The following PSD3 variants were observed in gnomAD, a reference collection of about 807,000 sequenced individuals.
The protein encoded by PSD3 is pleckstrin and Sec7 domain containing 3.
PSD3 carries 49 observed loss-of-function variants against 105.5 expected under a neutral mutation model. The observed-to-expected ratio is 0.46, with a 90% CI of 0.37 to 0.59. The LOEUF (loss-of-function observed/expected upper bound fraction) is 0.59, where lower values mean the gene tolerates loss of function less well. Ranked by LOEUF, PSD3 falls within the 20% of genes least tolerant of loss-of-function variation. The pLI, the probability that PSD3 is intolerant of heterozygous loss-of-function variation, is 0.00. For missense variants in PSD3, 1,561 were observed against 1,263.8 expected (o/e 1.24, Z -3.57); for synonymous variants, 557 against 457.8 (o/e 1.22, Z -2.77).
At chr8:18,807,290 G>A (rs559264504) in intron 4 of PSD3, among the ~76,000 whole-genome samples, 2 of 152,312 alleles carry the variant, frequency 1.3e-5, no homozygotes, top group African/African-American at 2.4e-5. Context: ...GGTATAACAA[G>A]TAGCTGCAAA....
intron 9 of PSD3, among the ~76,000 whole-genome samples, chr8:18,748,453 G>A (rs538349272): frequency 2.0e-3 from 299 of 152,120 alleles, no homozygotes; most frequent in Middle Eastern, 3.4e-3. Flanking sequence ...GAGGCCAGGA[G>A]ATCGAGACTA....
intron 9 of PSD3, among the ~76,000 whole-genome samples, chr8:18,656,579 T>C (rs538772304): frequency 1.3e-4 from 20 of 152,248 alleles, no homozygotes; most frequent in African/African-American, 3.9e-4. Context: ...TTGTGGCAGA[T>C]TGGATAAAAA....
intron 4 of PSD3, among the ~76,000 whole-genome samples, chr8:18,848,096 G>C (rs1436679756): frequency 1.3e-5 from 2 of 151,754 alleles, no homozygotes; most frequent in African/African-American, 4.8e-5. Context: ...AAAAAGGCTA[G>C]CTACTGATCA....
At chr8:18,759,196 A>C (rs1806310492) in intron 9 of PSD3, among the ~76,000 whole-genome samples, 1 of 151,908 alleles carries the variant, frequency 6.6e-6, no homozygotes, top group African/African-American at 2.4e-5. Context: ...CAAGTAAAGC[A>C]ATTTCTATAA....
intron 1 of PSD3, among the ~76,000 whole-genome samples, chr8:18,981,591 G>T (rs114511240): frequency 1.3e-5 from 2 of 152,036 alleles, no homozygotes; most frequent in Non-Finnish European, 2.9e-5. Flanking sequence ...AGATTGTGTG[G>T]GTTCAATTCC....
intron 2 of PSD3, among the ~76,000 whole-genome samples, chr8:18,883,219 C>T (rs537257597): frequency 6.6e-6 from 1 of 152,188 alleles, no homozygotes; most frequent in Admixed American, 6.6e-5. Context: ...ATTCTGATTA[C>T]ATTTAATGCC....
intron 9 of PSD3, among the ~76,000 whole-genome samples, chr8:18,681,552 A>C (rs1800392678): frequency 6.6e-6 from 1 of 152,080 alleles, no homozygotes. Context: ...TCTGATTAAA[A>C]TTGGAGGAAA....
chr8:18,892,998 C>G (rs1249853107), intron 2 of PSD3, among the ~76,000 whole-genome samples: 1 of 152,096 alleles, frequency 6.6e-6, no homozygotes, highest in African/African-American at 2.4e-5. Flanking sequence ...GCAACTGATG[C>G]AAATGAAATA....
At chr8:18,815,345 G>C (rs1025225721) in intron 4 of PSD3, among the ~76,000 whole-genome samples, 1 of 152,086 alleles carries the variant, frequency 6.6e-6, no homozygotes, top group Non-Finnish European at 1.5e-5. Context: ...GTCTCGCTCT[G>C]TTGCCCAGGC....
chr8:18,897,245 A>G (rs1819212478), intron 2 of PSD3, among the ~76,000 whole-genome samples: 1 of 152,068 alleles, frequency 6.6e-6, no homozygotes, highest in Non-Finnish European at 1.5e-5. Flanking sequence ...TTGAGACGTG[A>G]TGTGTCTGCT....
At chr8:18,644,445 C>G (rs902254297) in intron 10 of PSD3, among the ~76,000 whole-genome samples, 1 of 152,194 alleles carries the variant, frequency 6.6e-6, no homozygotes, top group African/African-American at 2.4e-5. Flanking sequence ...ACAATTCAGC[C>G]AAGTTCTCTG....
chr8:19,019,986 A>G (rs896476405), intron 1 of PSD3, among the ~76,000 whole-genome samples: 8 of 152,186 alleles, frequency 5.3e-5, no homozygotes, highest in Non-Finnish European at 1.2e-4. Context: ...GACTCAGCTC[A>G]CCTTTCCCCC....
rs76185967 is a variant in PSD3 at position 18,774,816 on chromosome 8, C to T, written c.2083-9278G>A. The T allele has an allele frequency of 7.3e-3, 3,271 of 446,466 alleles. 79 individuals carry two copies. Among genetic ancestry groups the T allele is most frequent in the African/African-American group, 0.051 (2,558 of 49,830 alleles). 27.7% of individuals were successfully genotyped at this position (446,466 alleles called of 1,614,324 possible). On this transcript the variant is annotated intron_variant, in intron 8 of 15. Transcript: ENST00000327040. Reference sequence around the variant, plus strand: ...CTGGAATGTCGGGCACCTGTCACTTCGGCGACATACATCTGGGACAGGTCT... The same window carrying T: ...CTGGAATGTCGGGCACCTGTCACTTTGGCGACATACATCTGGGACAGGTCT...
At chr8:18,822,484 C>A (rs1188075904) in intron 4 of PSD3, among the ~76,000 whole-genome samples, 1 of 152,128 alleles carries the variant, frequency 6.6e-6, no homozygotes, top group Admixed American at 6.5e-5. Context: ...CCACCTGGTG[C>A]GAGAATAAAG....
At chr8:18,561,341 C>A (rs754427718) in intron 14 of PSD3, among the ~76,000 whole-genome samples, 5 of 152,052 alleles carry the variant, frequency 3.3e-5, no homozygotes, top group Admixed American at 6.6e-5. Context: ...ATGGACAAAC[C>A]TGGAGGACAT....
intron 9 of PSD3, among the ~76,000 whole-genome samples, chr8:18,746,943 C>G (rs901280971): frequency 6.6e-6 from 1 of 152,206 alleles, no homozygotes; most frequent in African/African-American, 2.4e-5. Flanking sequence ...TGCCCTTAGG[C>G]ATGGATATTT....
intron 2 of PSD3, among the ~76,000 whole-genome samples, chr8:18,930,329 G>T (rs528982793): frequency 6.6e-6 from 1 of 152,134 alleles, no homozygotes; most frequent in Non-Finnish European, 1.5e-5. Context: ...CAAAAGAAGG[G>T]ATTAAATATT....
At chr8:18,774,350 A>G (rs1337945506) in intron 8 of PSD3, among the ~76,000 whole-genome samples, 1 of 152,168 alleles carries the variant, frequency 6.6e-6, no homozygotes, top group African/African-American at 2.4e-5. Context: ...CATCTCCCCA[A>G]AAATTCACCC....
intron 11 of PSD3, among the ~76,000 whole-genome samples, chr8:18,632,090 C>T (rs1296252285): frequency 6.6e-6 from 1 of 152,038 alleles, no homozygotes; most frequent in Non-Finnish European, 1.5e-5. Context: ...TTTCCCAAAA[C>T]TAATTATACT....
Sources: allele counts gnomAD v4.1 joint callset (sites outside exome capture counted in the v4.1 genomes callset), GRCh38; gene constraint gnomAD v4.1.1; transcripts MANE v1.5; gene names NCBI Gene and HGNC (gene_info 2026-07-23, HGNC 2026-07-21).